Variants in LRP1B observed in about 807,000 individuals in gnomAD.
The protein encoded by LRP1B is low-density lipoprotein receptor-related protein 1B.
In LRP1B, 217 loss-of-function variants were observed where a neutral mutation model predicts 556.6. The ratio of observed to expected loss-of-function variants is 0.39; its 90% CI spans 0.35 to 0.44. LRP1B has a LOEUF of 0.44. Among genes scored for constraint, LRP1B ranks in the 20% least tolerant of loss-of-function variants. The pLI is 1.00. For synonymous variants in LRP1B, 2,047 were observed against 1,865.8 expected, an observed-to-expected ratio of 1.10 and a Z score of -2.50; for missense variants, 5,053 against 5,620.8, an observed-to-expected ratio of 0.90 and a Z score of 3.23.
At chr2:140,282,838 A>G (rs919766982) in intron 84 of LRP1B, among the ~76,000 whole-genome samples, 3 of 151,776 alleles carry the variant, frequency 2.0e-5, no homozygotes, top group African/African-American at 7.3e-5. Context: ...GGATTCTCAC[A>G]CTTGTAGAAA....
At chr2:140,579,971 A>T (rs965541507) in intron 43 of LRP1B, among the ~76,000 whole-genome samples, 2 of 152,214 alleles carry the variant, frequency 1.3e-5, no homozygotes, top group East Asian at 3.9e-4. Context: ...TATCCTATAT[A>T]TGCAAATGGA....
intron 32 of LRP1B, among the ~76,000 whole-genome samples, chr2:140,780,227 TTCTG>T (rs1379222944): frequency 3.3e-5 from 5 of 152,174 alleles, no homozygotes; most frequent in African/African-American, 1.2e-4. Context: ...GATGAGTCTC[TTCTG>T]TCTTATTTGT....
chr2:141,627,511 G>A (rs1314996465), intron 2 of LRP1B, among the ~76,000 whole-genome samples: 2 of 152,196 alleles, frequency 1.3e-5, no homozygotes, highest in Non-Finnish European at 2.9e-5. Flanking sequence ...ATCACTGCCT[G>A]AGTTCCACCT....
At chr2:140,918,113 T>C (rs1694631579) in intron 21 of LRP1B, among the ~76,000 whole-genome samples, 1 of 152,014 alleles carries the variant, frequency 6.6e-6, no homozygotes, top group Admixed American at 6.6e-5. Context: ...TCTTAGTTAA[T>C]CCAGATTATT....
chr2:140,675,290 T>C (rs1685632496), intron 41 of LRP1B, among the ~76,000 whole-genome samples: 1 of 152,180 alleles, frequency 6.6e-6, no homozygotes, highest in African/African-American at 2.4e-5. Context: ...TAAGTTGACA[T>C]ATAAAACTGA....
chr2:140,242,579 G>A (rs1166488831), intron 87 of LRP1B, among the ~76,000 whole-genome samples: 1 of 150,992 alleles, frequency 6.6e-6, no homozygotes, highest in African/African-American at 2.4e-5. Context: ...ACAAATAAAT[G>A]GGTTCATTCA....
intron 1 of LRP1B, among the ~76,000 whole-genome samples, chr2:142,101,002 A>G (rs770647005): frequency 3.9e-5 from 6 of 151,908 alleles, no homozygotes; most frequent in Non-Finnish European, 8.8e-5. Context: ...CAAATAAATC[A>G]TATCGCACAG....
intron 7 of LRP1B, among the ~76,000 whole-genome samples, chr2:141,146,055 G>A (rs1397296759): frequency 2.0e-5 from 3 of 151,102 alleles, no homozygotes; most frequent in Admixed American, 6.6e-5. Context: ...CTCCAGAGTA[G>A]CTGGGCTTAC....
chr2:141,798,186 T>A (rs1485822447), intron 2 of LRP1B, among the ~76,000 whole-genome samples: 1 of 152,190 alleles, frequency 6.6e-6, no homozygotes. Context: ...CATACAAATG[T>A]ATGCGTGATG....
chr2:141,826,211 T>A (rs918875019), intron 1 of LRP1B, among the ~76,000 whole-genome samples: 3 of 151,866 alleles, frequency 2.0e-5, no homozygotes, highest in East Asian at 3.9e-4. Context: ...TCAGGGATTT[T>A]AAAAATAATA....
intron 7 of LRP1B, among the ~76,000 whole-genome samples, chr2:141,180,856 C>A (rs770558824): frequency 9.9e-5 from 15 of 151,896 alleles, no homozygotes; most frequent in African/African-American, 3.6e-4. Context: ...AATATTTGTT[C>A]ACATTTTGAG....
chr2:140,415,375 GT>G (rs1685147537), intron 66 of LRP1B, among the ~76,000 whole-genome samples: 1 of 152,102 alleles, frequency 6.6e-6, no homozygotes, highest in Admixed American at 6.6e-5. Flanking sequence ...TTTGAAGCAT[GT>G]GATCTTTGTA....
At chr2:141,065,628 C>A (rs552770958) in intron 7 of LRP1B, among the ~76,000 whole-genome samples, 1 of 151,778 alleles carries the variant, frequency 6.6e-6, no homozygotes, top group East Asian at 1.9e-4. Context: ...TATGTTATGC[C>A]TTTTGAACTG....
Position 140,475,215 on chromosome 2 carries a change from T to A in LRP1B, c.9548A>T (p.Tyr3183Phe). 5.6e-6 allele frequency: 9 copies of A among 1,611,720 alleles called. No homozygotes were observed. The highest frequency in any genetic ancestry group is 5.1e-6 in the Non-Finnish European group (6 of 1,178,366). ...ISRPMALTID[Y>F]VNRRLYWADE... is the part of the protein sequence containing the mutation. ...GGCCCAGTAGAGTCTACGATTAACA[T>A]AATCTATTGTTAGTGCCATAGGTCT... The change falls in exon 60 of 91, where the codon TAT (tyrosine) becomes TTT (phenylalanine). Residue 3183 changes from tyrosine (Y) to phenylalanine (F), a missense_variant. Physicochemically the swap from Tyr to Phe is conservative, Grantham distance 22 (BLOSUM62 3). Around this residue, in one of 5 missense-constraint regions of LRP1B, gnomAD observed 3,619 missense variants for 3,931.9 expected, o/e 0.92. Coordinates refer to ENST00000389484, the MANE Select transcript of LRP1B (RefSeq NM_018557.3).
At chr2:140,937,598 A>C (rs1321800037) in intron 20 of LRP1B, among the ~76,000 whole-genome samples, 2 of 152,090 alleles carry the variant, frequency 1.3e-5, no homozygotes, top group Admixed American at 1.3e-4. Flanking sequence ...TAAGATGGTA[A>C]ATTTTGTGCT....
chr2:141,166,432 G>T (rs1198073648), intron 7 of LRP1B, among the ~76,000 whole-genome samples: 11 of 147,900 alleles, frequency 7.4e-5, no homozygotes, highest in African/African-American at 2.7e-4. Context: ...ATTTAATGGG[G>T]TACTTGAGAT....
intron 83 of LRP1B, among the ~76,000 whole-genome samples, chr2:140,301,048 A>G (rs1683799536): frequency 6.6e-6 from 1 of 152,144 alleles, no homozygotes. Flanking sequence ...TTAAGATAAA[A>G]TTAAATTTGA....
At chr2:140,588,870 G>A (rs1026840442) in intron 43 of LRP1B, among the ~76,000 whole-genome samples, 1 of 151,092 alleles carries the variant, frequency 6.6e-6, no homozygotes, top group Non-Finnish European at 1.5e-5. Flanking sequence ...TGAGGCAGGA[G>A]AATCTCTTGA....
At chr2:141,553,358 A>C (rs1460186236) in intron 2 of LRP1B, among the ~76,000 whole-genome samples, 1 of 151,916 alleles carries the variant, frequency 6.6e-6, no homozygotes, top group Non-Finnish European at 1.5e-5. Flanking sequence ...TCAGTATCAA[A>C]GGCAAGAGGT....
Sources: gnomAD v4.1 joint callset for allele counts (sites outside exome capture counted in the v4.1 genomes callset) on GRCh38, gnomAD v4.1.1 for gene constraint, gnomAD v4.1.1 regional missense constraint, MANE v1.5 for transcripts, NCBI Gene and HGNC (gene_info 2026-07-23, HGNC 2026-07-21) for gene names.